SLC35F1: variants seen among roughly 807,000 people sequenced by gnomAD.
The protein encoded by SLC35F1 is chromosome 6 open reading frame 169.
In SLC35F1, 14 loss-of-function variants were observed where a neutral mutation model predicts 48.7. The observed-to-expected ratio is 0.29, with a 90% CI of 0.19 to 0.45. The LOEUF (loss-of-function observed/expected upper bound fraction) is 0.45, where lower values mean the gene tolerates loss of function less well. Among genes scored for constraint, SLC35F1 ranks in the 20% least tolerant of loss-of-function variants. The pLI is 1.00. For synonymous variants in SLC35F1, 190 were observed against 202.2 expected (o/e 0.94, Z 0.51); for missense variants, 404 against 500.0 (o/e 0.81, Z 1.83).
intron 6 of SLC35F1, among the ~76,000 whole-genome samples, chr6:118,284,833 G>A (rs1776030546): frequency 6.6e-6 from 1 of 152,090 alleles, no homozygotes; most frequent in Non-Finnish European, 1.5e-5. Flanking sequence ...GTAAAAAAAA[G>A]TTTCAAAATA....
In SLC35F1 at chr6:118,308,287, C is replaced by T. The variant is rs138757164; in HGVS notation, c.1003-5741C>T. Reference sequence around the variant, plus strand: ...GCAAGTTGATTTATTTTCATGTGTGCGTTTTATTTCACAGAGTAGGGAAGT... The same window carrying T: ...GCAAGTTGATTTATTTTCATGTGTGTGTTTTATTTCACAGAGTAGGGAAGT... On this transcript the variant is annotated intron_variant, in intron 7 of 7. Transcript: ENST00000360388. Among the ~76,000 whole-genome samples the T allele has an allele frequency of 5.9e-5, 9 of 152,176 alleles. No homozygotes were observed. In the East Asian group the frequency reaches 1.2e-3, roughly 20 times the overall value.
intron 2 of SLC35F1, among the ~76,000 whole-genome samples, chr6:118,160,836 A>C (rs1197611659): frequency 6.6e-6 from 1 of 152,056 alleles, no homozygotes; most frequent in Non-Finnish European, 1.5e-5. Flanking sequence ...GTCCAGTCCC[A>C]CAAACCTTGG....
intron 6 of SLC35F1, among the ~76,000 whole-genome samples, chr6:118,280,167 G>A (rs752655386): frequency 6.6e-6 from 1 of 152,138 alleles, no homozygotes; most frequent in Non-Finnish European, 1.5e-5. Flanking sequence ...GACTGATTGT[G>A]ATTATCTAAT....
chr6:117,999,114 A>G, intron 1 of SLC35F1: 2 of 1,581,904 alleles, frequency 1.3e-6, no homozygotes, highest in South Asian at 1.1e-5. Context: ...CGCTTTGCCA[A>G]GAAGCACAAC....
At chr6:118,246,043 T>C (rs1775503469) in intron 3 of SLC35F1, among the ~76,000 whole-genome samples, 1 of 152,162 alleles carries the variant, frequency 6.6e-6, no homozygotes, top group Admixed American at 6.5e-5. Context: ...CTTGTCTCCC[T>C]TCCTCATCTC....
intron 2 of SLC35F1, among the ~76,000 whole-genome samples, chr6:118,216,326 G>A (rs1775071936): frequency 1.3e-5 from 2 of 151,218 alleles, no homozygotes; most frequent in African/African-American, 4.9e-5. Flanking sequence ...AAAAGTGCTG[G>A]GATTACAGGC....
chr6:118,172,871 G>A (rs2114497996), intron 2 of SLC35F1, among the ~76,000 whole-genome samples: 1 of 152,194 alleles, frequency 6.6e-6, no homozygotes, highest in East Asian at 1.9e-4. Context: ...TATATTTCAG[G>A]ATGAATAAGA....
intron 2 of SLC35F1, among the ~76,000 whole-genome samples, chr6:118,225,305 G>A (rs1049648500): frequency 2.6e-5 from 4 of 151,996 alleles, no homozygotes; most frequent in African/African-American, 9.7e-5. Flanking sequence ...ATAGATGAAT[G>A]GAATAGAATA....
intron 1 of SLC35F1, among the ~76,000 whole-genome samples, chr6:117,980,944 T>A (rs1776768724): frequency 6.6e-6 from 1 of 152,114 alleles, no homozygotes; most frequent in Non-Finnish European, 1.5e-5. Context: ...AGTGACATAA[T>A]CAGTTCTGAA....
chr6:118,088,727 A>G (rs1215728985), intron 1 of SLC35F1, among the ~76,000 whole-genome samples: 1 of 152,196 alleles, frequency 6.6e-6, no homozygotes, highest in Non-Finnish European at 1.5e-5. Flanking sequence ...GCATTCAGCC[A>G]TAGGGGTGAT....
chr6:118,098,439 T>C (rs1397457513), intron 1 of SLC35F1, among the ~76,000 whole-genome samples: 1 of 152,172 alleles, frequency 6.6e-6, no homozygotes, highest in East Asian at 1.9e-4. Context: ...ACGTGGTACT[T>C]AGAAATAAGC....
At chr6:118,279,174 CAA>C (rs756861053) in intron 6 of SLC35F1, among the ~76,000 whole-genome samples, 1 of 152,106 alleles carries the variant, frequency 6.6e-6, no homozygotes, top group Non-Finnish European at 1.5e-5. Context: ...CCAACACACA[CAA>C]AAAAATTAAT....
At chr6:118,061,588 G>GTATATATATATATA (rs1237884567) in intron 1 of SLC35F1, among the ~76,000 whole-genome samples, 1 of 144,682 alleles carries the variant, frequency 6.9e-6, no homozygotes, top group African/African-American at 2.6e-5. Context: ...GTGTGTGTGT[G>GTATATATATATATA]TGTATATATA....
chr6:117,914,546 A>G (rs1339889951), intron 1 of SLC35F1, among the ~76,000 whole-genome samples: 2 of 152,166 alleles, frequency 1.3e-5, no homozygotes, highest in South Asian at 4.1e-4. Flanking sequence ...TTATTCAATG[A>G]GTGTTTATTG....
At position 117,907,854 on chromosome 6, in the gene SLC35F1, C is replaced by T. The variant is rs771025834; in HGVS notation, c.128C>T (p.Ser43Phe). 9.1e-6 allele frequency: 14 copies of T among 1,533,274 alleles called. No homozygotes were observed. Among genetic ancestry groups the T allele is most frequent in the East Asian group, 2.7e-5 (1 of 37,312 alleles). 95.0% of individuals were successfully genotyped at this position (1,533,274 alleles called of 1,614,324 possible). Residue 43 changes from serine (S) to phenylalanine (F), a missense_variant, in exon 1 of 8, where the codon TCC (serine) becomes TTC (phenylalanine). Coordinates refer to ENST00000360388, the MANE Select transcript of SLC35F1 (RefSeq NM_001029858.4). ...GSGGGGSLSA[S>F]SRAGVRQRIR... is the part of the protein sequence containing the mutation. ...GGCGGCGGCGGGAGCCTGTCCGCCT[C>T]CTCCCGGGCTGGCGTGCGCCAGAGG...
chr6:118,008,280 GA>G (rs35029349), intron 1 of SLC35F1, among the ~76,000 whole-genome samples: 148,873 of 150,092 alleles, frequency 0.99, 73,836 homozygotes, highest in Middle Eastern at 1. Flanking sequence ...CAGCAAAAAA[GA>G]AAAAAAAAAA....
chr6:117,940,541 C>T (rs975283919), intron 1 of SLC35F1, among the ~76,000 whole-genome samples: 1 of 152,120 alleles, frequency 6.6e-6, no homozygotes, highest in Non-Finnish European at 1.5e-5. Context: ...ATATCTGTAC[C>T]CCCATGTTCA....
At chr6:118,271,458 G>T (rs902698395) in intron 4 of SLC35F1, among the ~76,000 whole-genome samples, 11 of 152,106 alleles carry the variant, frequency 7.2e-5, no homozygotes, top group African/African-American at 2.4e-4. Context: ...AACTTTTAGT[G>T]CTAAAACCAA....
intron 1 of SLC35F1, among the ~76,000 whole-genome samples, chr6:118,143,751 C>T (rs551677724): frequency 6.6e-6 from 1 of 152,224 alleles, no homozygotes; most frequent in East Asian, 1.9e-4. Flanking sequence ...GAATATCGAC[C>T]ATGAGGTAGT....
Sources: allele counts gnomAD v4.1 joint callset (sites outside exome capture counted in the v4.1 genomes callset), GRCh38; gene constraint gnomAD v4.1.1; transcripts MANE v1.5; gene names NCBI Gene and HGNC (gene_info 2026-07-23, HGNC 2026-07-21).